Variants in ITPRID2 observed in about 807,000 individuals in gnomAD.
ITPRID2 encodes the protein ITPR interacting domain containing 2.
ITPRID2 carries 60 observed loss-of-function variants against 124.3 expected under a neutral mutation model. That is an observed-to-expected ratio of 0.48 (90% CI 0.39 to 0.60). The LOEUF (loss-of-function observed/expected upper bound fraction) is 0.60. Among genes scored for constraint, ITPRID2 ranks in the 20% least tolerant of loss-of-function variants. The pLI, the probability that ITPRID2 is intolerant of heterozygous loss-of-function variation, is 0.00. For missense variants in ITPRID2, 1,553 were observed against 1,512.2 expected, an observed-to-expected ratio of 1.03 and a Z score of -0.45; for synonymous variants, 521 against 542.9, an observed-to-expected ratio of 0.96 and a Z score of 0.56.
intron 8 of ITPRID2, among the ~76,000 whole-genome samples, chr2:181,908,974 A>AT (rs1423640145): frequency 1.3e-5 from 2 of 152,176 alleles, no homozygotes; most frequent in African/African-American, 4.8e-5. Flanking sequence ...ATTACCGTGC[A>AT]TCTTGCCCAT....
intron 10 of ITPRID2, among the ~76,000 whole-genome samples, chr2:181,914,497 G>A (rs1693872885): frequency 6.6e-6 from 1 of 152,110 alleles, no homozygotes; most frequent in African/African-American, 2.4e-5. Context: ...GAGCCTTTAG[G>A]AACATAGCAT....
In ITPRID2 at chr2:181,910,601, A is replaced by G. The variant is rs1693523326; in HGVS notation, c.1486+630A>G. 4 of 705,684 alleles carry G rather than the reference A, an allele frequency of 5.7e-6. No individual in the cohort carries two copies. The allele number at this position is 705,684 out of a possible 1,614,324, so 43.7% of individuals were successfully genotyped here. A position where few individuals can be genotyped will look rare whatever the true frequency, so the allele number is the denominator to read the frequency against. ...ACTTTTGAGCTTTAGAGAAAGGGAAAGAGGAAGAAGTGAAAATGACCACTG... is the reference window on the plus strand; with the variant it reads ...ACTTTTGAGCTTTAGAGAAAGGGAAGGAGGAAGAAGTGAAAATGACCACTG... On this transcript the variant is annotated intron_variant, in intron 9 of 17. Transcript: ENST00000431877. The surrounding 1 kb of genome is among the most constrained non-coding windows in gnomAD (Gnocchi z 4.1).
chr2:181,929,658 C>A lies in ITPRID2; in HGVS notation c.*111C>A, dbSNP rs757223209. The A allele has an allele frequency of 2.9e-5, 47 of 1,602,664 alleles. 2 individuals carry two copies. The South Asian group carries it at 4.8e-4, about 17-fold the overall frequency. ...GCTTTAGAAGATACTTGCTGTTGAG[C>A]TGGGCTACTGTATACAGTGTACAAT... On this transcript the variant is annotated 3_prime_UTR_variant, in exon 18 of 18. Transcript: ENST00000431877.
chr2:181,902,792 ATAGT>A lies in ITPRID2; in HGVS notation c.1413+330_1413+333del, dbSNP rs570283825. 2.9e-4 allele frequency among the ~76,000 whole-genome samples: 44 copies of A among 152,346 alleles called. 1 individual carries two copies. The East Asian group carries it at 8.3e-3, about 29-fold the overall frequency. ...TTTAAATTCAAAGCAATATTGCATA[ATAGT>A]TAGAAACACAGGCTTTGAAATCAAA... is the stretch of plus-strand genomic sequence containing the variant. On this transcript the variant is annotated intron_variant, in intron 8 of 17. Transcript: ENST00000431877. This position sits in a 1 kb window ranked among gnomAD's most constrained non-coding sequence, Gnocchi z 4.4.
intron 16 of ITPRID2, among the ~76,000 whole-genome samples, chr2:181,926,480 A>G (rs1009394465): frequency 4.0e-5 from 6 of 151,838 alleles, no homozygotes; most frequent in Admixed American, 3.3e-4. Context: ...TTGGGAGGCC[A>G]AGGCGGGTGG....
intron 9 of ITPRID2, among the ~76,000 whole-genome samples, chr2:181,911,085 A>G (rs1574257354): frequency 6.6e-6 from 1 of 152,134 alleles, no homozygotes; most frequent in African/African-American, 2.4e-5. Context: ...GAATGATTAG[A>G]TGTGGTTTAT....
Position 181,892,912 on chromosome 2 carries a change from T to G in ITPRID2, c.257+252T>G. 5.2e-6 allele frequency: 3 copies of G among 577,088 alleles called. No homozygotes were observed. Among genetic ancestry groups the G allele is most frequent in the Non-Finnish European group, 9.3e-6 (3 of 321,720 alleles). The allele number at this position is 577,088 out of a possible 1,614,324, so 35.7% of individuals were successfully genotyped here. The stretch of plus-strand genomic sequence containing the variant: ...TCACGCATCGTGTTAGCATCAGAGA[T>G]CAGAAATCCAGAACAGATAATCATG... On this transcript the variant is annotated intron_variant, in intron 2 of 17. Transcript: ENST00000431877. This position sits in a 1 kb window ranked among gnomAD's most constrained non-coding sequence, Gnocchi z 5.2.
At chr2:181,921,847 A>G (rs761652745) in intron 15 of ITPRID2, 101 bp from the exon 16 acceptor site, 8 of 1,009,058 alleles carry the variant, frequency 7.9e-6, no homozygotes, top group East Asian at 2.5e-5. Context: ...GTCTTTACAA[A>G]TTACATGATT....
At chr2:181,904,276 G>T (rs916044525) in intron 8 of ITPRID2, among the ~76,000 whole-genome samples, 2 of 152,030 alleles carry the variant, frequency 1.3e-5, no homozygotes, top group African/African-American at 4.8e-5. Flanking sequence ...GCATTGACGT[G>T]AACATTTTTT....
rs370861369 is a variant in ITPRID2, at chr2:181,910,698, G to A, written c.1486+727G>A. The A allele has an allele frequency of 9.3e-6, 6 of 642,000 alleles. No homozygotes were observed. Among genetic ancestry groups the A allele is most frequent in the East Asian group, 2.9e-5 (1 of 34,172 alleles). 39.8% of individuals were successfully genotyped at this position (642,000 alleles called of 1,614,324 possible). A position where few individuals can be genotyped will look rare whatever the true frequency, so the allele number is the denominator to read the frequency against. On this transcript the variant is annotated intron_variant, in intron 9 of 17. Coordinates refer to ENST00000431877, the MANE Select transcript of ITPRID2 (RefSeq NM_001130445.3). The surrounding 1 kb of genome is among the most constrained non-coding windows in gnomAD (Gnocchi z 4.1). ...CTGTTTTTTTTTTAAACAAAGATTC[G>A]TATGTATGTTCCTAGAATAGGAAAT...
At chr2:181,893,013 A>G in intron 2 of ITPRID2, 1 of 367,540 alleles carries the variant, frequency 2.7e-6, no homozygotes, top group Admixed American at 3.9e-5. Flanking sequence ...TAGTTTTGGC[A>G]TCTGTACAAC....
chr2:181,916,668 G>A (rs1694079481), intron 11 of ITPRID2: 1 of 710,374 alleles, frequency 1.4e-6, no homozygotes, highest in South Asian at 3.6e-5. Flanking sequence ...TTTCCAAGAG[G>A]AGAGATTTTT....
At chr2:181,921,307 A>G (rs1381188283) in intron 15 of ITPRID2, among the ~76,000 whole-genome samples, 2 of 152,078 alleles carry the variant, frequency 1.3e-5, no homozygotes, top group African/African-American at 2.4e-5. Context: ...GTGAAACCGC[A>G]TCTCTACTAA....
intron 10 of ITPRID2, among the ~76,000 whole-genome samples, chr2:181,914,735 C>G (rs561135978): frequency 2.6e-5 from 4 of 152,062 alleles, no homozygotes; most frequent in Non-Finnish European, 1.5e-5. Context: ...GGGAAATAAC[C>G]GTAAGAGAAG....
In ITPRID2 at chr2:181,901,855, A is replaced by G. The variant is rs767095072; in HGVS notation, c.802A>G (p.Ile268Val). ...SQVSGTPLQRIGSMSSVTSNK... is the reference protein window; with the variant it reads ...SQVSGTPLQRVGSMSSVTSNK... Reference sequence around the variant, plus strand: ...AGTCTCCGGGACGCCCCTGCAGAGAATTGGAAGTATGTCCTCAGTGACCTC... The same window carrying G: ...AGTCTCCGGGACGCCCCTGCAGAGAGTTGGAAGTATGTCCTCAGTGACCTC... The change falls in exon 8 of 18, where the codon ATT becomes GTT. Residue 268 changes from isoleucine (I) to valine (V), a missense_variant. Ile to Val is a conservative substitution (Grantham distance 29). Transcript: ENST00000431877. 6.2e-7 allele frequency: 1 copy of G among 1,613,928 alleles called. No homozygotes were observed. The highest frequency in any genetic ancestry group is 1.7e-5 in the Admixed American group (1 of 59,990).
At chr2:181,897,548 G>C (rs1266510428) in intron 4 of ITPRID2, among the ~76,000 whole-genome samples, 1 of 151,082 alleles carries the variant, frequency 6.6e-6, no homozygotes, top group Non-Finnish European at 1.5e-5. Context: ...GTTATGTAAT[G>C]TTTTCCAGTA....
chr2:181,911,185 G>A (rs1693575435), intron 9 of ITPRID2, among the ~76,000 whole-genome samples: 1 of 152,114 alleles, frequency 6.6e-6, no homozygotes, highest in African/African-American at 2.4e-5. Context: ...TGAGAGAGAA[G>A]AGAGAACAAC....
rs757645407 is a variant in ITPRID2, at chr2:181,913,944, C to T, written c.1575+11C>T. 1.3e-6 allele frequency: 2 copies of T among 1,598,182 alleles called. No homozygotes were observed. Among genetic ancestry groups the T allele is most frequent in the Non-Finnish European group, 1.7e-6 (2 of 1,167,394 alleles). On this transcript the variant is annotated intron_variant, in intron 10 of 17. Coordinates refer to ENST00000431877, the MANE Select transcript of ITPRID2 (RefSeq NM_001130445.3). The stretch of plus-strand genomic sequence containing the variant: ...CTTAATCATCTTCAGGTAAAATTTT[C>T]TGTTCTAATAGGCACTATGATTAAC...
chr2:181,893,587 C>T (rs1487621743), intron 2 of ITPRID2: 1 of 152,144 alleles, frequency 6.6e-6, no homozygotes, highest in African/African-American at 2.4e-5. Flanking sequence ...CGACTGGAAC[C>T]TTATTGAACA....
Sources: gnomAD v4.1 joint callset for allele counts (sites outside exome capture counted in the v4.1 genomes callset) on GRCh38, gnomAD v4.1.1 for gene constraint, Gnocchi (gnomAD v3.1) non-coding constraint, MANE v1.5 for transcripts, NCBI Gene and HGNC (gene_info 2026-07-23, HGNC 2026-07-21) for gene names.